Variants in RBFOX1 observed in about 807,000 individuals in gnomAD.
RBFOX1 encodes the protein RNA binding protein fox-1 homolog 1.
A neutral mutation model predicts 57.7 loss-of-function variants in RBFOX1; 8 were observed. The ratio of observed to expected loss-of-function variants is 0.14; its 90% CI spans 0.08 to 0.25. The LOEUF (loss-of-function observed/expected upper bound fraction) is 0.25. Ranked by LOEUF, RBFOX1 falls within the 10% of genes least tolerant of loss-of-function variation. RBFOX1 has a pLI of 1.00. For synonymous variants in RBFOX1, 326 were observed against 222.4 expected (o/e 1.47, Z -4.15); for missense variants, 611 against 548.5 (o/e 1.11, Z -1.14).
chr16:7,096,302 A>G (rs1323272445), intron 4 of RBFOX1, among the ~76,000 whole-genome samples: 1 of 152,156 alleles, frequency 6.6e-6, no homozygotes, highest in African/African-American at 2.4e-5. Flanking sequence ...AAGTCCAAAG[A>G]TGACAGGCAG....
intron 2 of RBFOX1, among the ~76,000 whole-genome samples, chr16:6,497,242 A>G (rs921890114): frequency 3.3e-5 from 5 of 152,174 alleles, no homozygotes; most frequent in African/African-American, 1.2e-4. Flanking sequence ...GAGAAAGAGG[A>G]GGAGCTTGTG....
At chr16:6,829,491 A>AAC (rs1555508249) in intron 3 of RBFOX1, among the ~76,000 whole-genome samples, 25 of 151,010 alleles carry the variant, frequency 1.7e-4, no homozygotes, top group Admixed American at 5.3e-4. Context: ...TAAAAAAAAA[A>AAC]AAAACAAAAA....
intron 4 of RBFOX1, among the ~76,000 whole-genome samples, chr16:7,258,110 C>G (rs750247998): frequency 5.9e-5 from 9 of 152,168 alleles, no homozygotes; most frequent in Non-Finnish European, 1.0e-4. Flanking sequence ...AATGCCTTTT[C>G]ATAATTCACT....
intron 1 of RBFOX1, among the ~76,000 whole-genome samples, chr16:6,110,528 A>T (rs1350831168): frequency 6.6e-5 from 10 of 152,144 alleles, no homozygotes; most frequent in African/African-American, 2.4e-4. Flanking sequence ...GCAGATTAAA[A>T]CAACTACCCG....
At chr16:6,654,683 A>C in intron 3 of RBFOX1, 33 bp downstream of exon 3, 1 of 1,477,190 alleles carries the variant, frequency 6.8e-7, no homozygotes, top group Non-Finnish European at 9.0e-7. Context: ...TAGGGTTGCA[A>C]ACAAAACAAG....
Position 6,070,392 on chromosome 16 carries a change from T to G in RBFOX1, c.-127+50400T>G, listed in dbSNP as rs76861221. 1.1e-3 allele frequency among the ~76,000 whole-genome samples: 172 copies of G among 152,352 alleles called. 1 individual carries two copies. The highest frequency in any genetic ancestry group is 1.8e-3 in the Non-Finnish European group (125 of 68,034). On this transcript the variant is annotated intron_variant, in intron 1 of 15. Coordinates refer to ENST00000550418, the MANE Select transcript of RBFOX1 (RefSeq NM_018723.4). The stretch of plus-strand genomic sequence containing the variant: ...ATTATTTCATACACTTCAGATTATC[T>G]GCCTTTTGCAAACACAGCTGAATGT...
chr16:6,940,690 C>T (rs1025704730), intron 3 of RBFOX1, among the ~76,000 whole-genome samples: 4 of 151,966 alleles, frequency 2.6e-5, no homozygotes, highest in Non-Finnish European at 4.4e-5. Context: ...CTCCGCCTCC[C>T]GGGTTCACGC....
intron 4 of RBFOX1, among the ~76,000 whole-genome samples, chr16:7,204,267 C>T (rs2089437416): frequency 6.6e-6 from 1 of 152,236 alleles, no homozygotes; most frequent in Non-Finnish European, 1.5e-5. Context: ...CTTGCAGCAT[C>T]ACTCAAGGCC....
At chr16:7,049,304 T>G (rs544811439) in intron 3 of RBFOX1, among the ~76,000 whole-genome samples, 1 of 152,026 alleles carries the variant, frequency 6.6e-6, no homozygotes. Flanking sequence ...CAATGGGAGG[T>G]GGGAGTTGTT....
At chr16:5,795,554 G>C (rs1000442076) in intron 3 of RBFOX1, among the ~76,000 whole-genome samples, 1 of 152,112 alleles carries the variant, frequency 6.6e-6, no homozygotes, top group Non-Finnish European at 1.5e-5. Flanking sequence ...GCCTCCCAAA[G>C]TGCTAGGATT....
intron 4 of RBFOX1, among the ~76,000 whole-genome samples, chr16:7,403,706 C>T (rs1029404651): frequency 6.6e-6 from 1 of 151,736 alleles, no homozygotes; most frequent in Non-Finnish European, 1.5e-5. Context: ...GCCACTACTC[C>T]ATGTGAATTT....
Position 7,253,947 on chromosome 16 carries a change from G to T in RBFOX1, c.27+201849G>T, listed in dbSNP as rs116685542. On this transcript the variant is annotated intron_variant, in intron 4 of 15. Transcript: ENST00000550418. ...GGAGCTCTCTTGTATCTAGAAAGGG[G>T]ACTATTACAGTGTGAGACAGCAAAG... Among the ~76,000 whole-genome samples the T allele has an allele frequency of 3.8e-3, 575 of 152,288 alleles. 3 individuals carry two copies. The highest frequency in any genetic ancestry group is 0.013 in the African/African-American group (553 of 41,574).
intron 2 of RBFOX1, among the ~76,000 whole-genome samples, chr16:6,493,239 T>A (rs2095675226): frequency 6.6e-6 from 1 of 152,268 alleles, no homozygotes; most frequent in African/African-American, 2.4e-5. Context: ...AATCATTGGA[T>A]TCACAGTTAT....
chr16:5,603,976 C>T (rs530134460), downstream of RBFOX1, among the ~76,000 whole-genome samples: 3 of 148,016 alleles, frequency 2.0e-5, no homozygotes, highest in South Asian at 2.1e-4. Context: ...TGGTGTCATT[C>T]TCCCCTCCTA....
At position 7,263,849 on chromosome 16, in the gene RBFOX1, G is replaced by A. The variant is rs192831547; in HGVS notation, c.27+211751G>A. Among the ~76,000 whole-genome samples, 614 of 151,078 alleles carry A rather than the reference G, an allele frequency of 4.1e-3. 6 individuals are homozygous for A. The highest frequency in any genetic ancestry group is 0.014 in the African/African-American group (585 of 41,090). On this transcript the variant is annotated intron_variant, in intron 4 of 15. Transcript: ENST00000550418. The stretch of plus-strand genomic sequence containing the variant: ...CAGAAGGCGGAGGTTGTGGTGAGCT[G>A]AGATTGCACCATTGCACTCCAGCCT...
At chr16:5,614,211 C>T (rs554834535) in intron 3 of RBFOX1, among the ~76,000 whole-genome samples, 11 of 152,120 alleles carry the variant, frequency 7.2e-5, no homozygotes, top group African/African-American at 1.7e-4. Flanking sequence ...CATTTTTTTT[C>T]CCTCTACAAC....
intron 4 of RBFOX1, among the ~76,000 whole-genome samples, chr16:7,502,786 G>C (rs1223594061): frequency 6.6e-6 from 1 of 152,110 alleles, no homozygotes. Context: ...AACTTTGAAA[G>C]GCCAAGATGG....
At chr16:6,963,052 A>T (rs1190999604) in intron 3 of RBFOX1, among the ~76,000 whole-genome samples, 1 of 152,160 alleles carries the variant, frequency 6.6e-6, no homozygotes, top group Non-Finnish European at 1.5e-5. Flanking sequence ...TCACTGTGTG[A>T]ACTGCCCAAG....
chr16:5,255,704 C>G (rs1277255525), intron 1 of RBFOX1, among the ~76,000 whole-genome samples: 5 of 152,008 alleles, frequency 3.3e-5, no homozygotes, highest in Admixed American at 1.3e-4. Flanking sequence ...ACCCACCTAT[C>G]TATCCATCCA....
Sources: gnomAD v4.1 joint callset for allele counts (sites outside exome capture counted in the v4.1 genomes callset) on GRCh38, gnomAD v4.1.1 for gene constraint, MANE v1.5 for transcripts, NCBI Gene and HGNC (gene_info 2026-07-23, HGNC 2026-07-21) for gene names.